Variants in RPS6KC1 observed in about 807,000 individuals in gnomAD.
The protein encoded by RPS6KC1 is inactive ribosomal protein S6 kinase delta-1.
Under a neutral mutation model 103.8 loss-of-function variants are expected in RPS6KC1, and 54 were observed. The ratio of observed to expected loss-of-function variants is 0.52; its 90% CI spans 0.42 to 0.65. The LOEUF is 0.65. Among genes scored for constraint, RPS6KC1 ranks in the 30% least tolerant of loss-of-function variants. RPS6KC1 has a pLI of 0.00. For missense variants in RPS6KC1, 1,151 were observed against 1,253.8 expected, an observed-to-expected ratio of 0.92 and a Z score of 1.24; for synonymous variants, 439 against 438.7, an observed-to-expected ratio of 1.00 and a Z score of -0.01.
chr1:213,111,083 G>C (rs1185630027), intron 4 of RPS6KC1, among the ~76,000 whole-genome samples: 1 of 151,832 alleles, frequency 6.6e-6, no homozygotes, highest in Non-Finnish European at 1.5e-5. Flanking sequence ...AGGAACTGAG[G>C]CAAGAACATC....
chr1:213,810,849 C>T, the RPS6KC1 span, among the ~76,000 whole-genome samples: 1 of 152,112 alleles, frequency 6.6e-6, no homozygotes, highest in East Asian at 1.9e-4. Context: ...AAAAATAAAG[C>T]TCAGAGATAT....
chr1:213,236,976 C>G (rs909187762), intron 10 of RPS6KC1, among the ~76,000 whole-genome samples: 4 of 151,998 alleles, frequency 2.6e-5, no homozygotes, highest in African/African-American at 9.7e-5. Flanking sequence ...CTTTGTTGCC[C>G]AGACCTATTC....
the RPS6KC1 span, among the ~76,000 whole-genome samples, chr1:213,370,067 T>C: frequency 6.6e-6 from 1 of 152,080 alleles, no homozygotes. Flanking sequence ...TCGAAGCAAT[T>C]GCAATGTAGG....
At chr1:213,339,379 C>T in the RPS6KC1 span, among the ~76,000 whole-genome samples, 5 of 152,192 alleles carry the variant, frequency 3.3e-5, no homozygotes, top group African/African-American at 4.8e-5. Flanking sequence ...GAGTGATGCT[C>T]GTTAAGAACA....
the RPS6KC1 span, among the ~76,000 whole-genome samples, chr1:213,771,350 C>T: frequency 3.3e-5 from 5 of 152,028 alleles, no homozygotes; most frequent in Admixed American, 1.3e-4. Flanking sequence ...GATCAGAATC[C>T]AAGGTAGGAA....
At chr1:213,776,955 C>T in the RPS6KC1 span, among the ~76,000 whole-genome samples, 9 of 152,086 alleles carry the variant, frequency 5.9e-5, no homozygotes, top group South Asian at 4.1e-4. Flanking sequence ...TGCTAGCTTC[C>T]GATTTTTCTT....
intron 5 of RPS6KC1, among the ~76,000 whole-genome samples, chr1:213,121,886 T>C (rs990866018): frequency 1.3e-5 from 2 of 152,158 alleles, no homozygotes; most frequent in Non-Finnish European, 2.9e-5. Flanking sequence ...AGAATGAATA[T>C]GCTTAAATGT....
intron 3 of RPS6KC1, among the ~76,000 whole-genome samples, chr1:213,091,124 C>T (rs557862332): frequency 1.3e-4 from 20 of 151,446 alleles, no homozygotes; most frequent in Non-Finnish European, 1.9e-4. Flanking sequence ...GTGGCGTGAT[C>T]TCGGCTTACT....
chr1:213,366,001 G>A, the RPS6KC1 span, among the ~76,000 whole-genome samples: 1 of 152,250 alleles, frequency 6.6e-6, no homozygotes, highest in Non-Finnish European at 1.5e-5. Flanking sequence ...TCAAAGGGTA[G>A]GGAATTAACT....
At chr1:213,243,144 C>T (rs1323626965) in intron 12 of RPS6KC1, among the ~76,000 whole-genome samples, 1 of 152,044 alleles carries the variant, frequency 6.6e-6, no homozygotes, top group African/African-American at 2.4e-5. Context: ...TACATTTGTG[C>T]ACCACCATGC....
the RPS6KC1 span, among the ~76,000 whole-genome samples, chr1:213,321,489 G>T: frequency 1.3e-5 from 2 of 152,130 alleles, no homozygotes; most frequent in African/African-American, 4.8e-5. Context: ...TTAGTATTTT[G>T]TTCTCTCATT....
At chr1:213,186,462 G>A (rs1281584239) in intron 8 of RPS6KC1, among the ~76,000 whole-genome samples, 1 of 152,046 alleles carries the variant, frequency 6.6e-6, no homozygotes, top group Non-Finnish European at 1.5e-5. Context: ...CAATGTGGAG[G>A]TCCTTTATAT....
chr1:213,715,965 AT>A, the RPS6KC1 span, among the ~76,000 whole-genome samples: 30,280 of 151,726 alleles, frequency 0.2, 3,427 homozygotes, highest in South Asian at 0.27. Context: ...GTAAGTTTTA[AT>A]TTTTTTTTAA....
intron 1 of RPS6KC1, among the ~76,000 whole-genome samples, chr1:213,066,979 AATAC>A (rs2078387237): frequency 6.6e-6 from 1 of 152,194 alleles, no homozygotes; most frequent in Non-Finnish European, 1.5e-5. Flanking sequence ...GATAACCATT[AATAC>A]ATACCAGATT....
the RPS6KC1 span, among the ~76,000 whole-genome samples, chr1:213,554,062 C>T: frequency 6.6e-6 from 1 of 152,106 alleles, no homozygotes; most frequent in Non-Finnish European, 1.5e-5. Flanking sequence ...TTTTTGGTTG[C>T]AATTGCTTTT....
At chr1:213,159,243 T>C (rs2090220775) in intron 6 of RPS6KC1, among the ~76,000 whole-genome samples, 1 of 152,204 alleles carries the variant, frequency 6.6e-6, no homozygotes, top group Non-Finnish European at 1.5e-5. Context: ...AGTAGTTTCC[T>C]GGCATATGCT....
intron 1 of RPS6KC1, among the ~76,000 whole-genome samples, chr1:213,055,593 A>G (rs908403336): frequency 9.9e-5 from 15 of 152,252 alleles, no homozygotes; most frequent in Non-Finnish European, 1.8e-4. Context: ...GGCTTTGTTT[A>G]TGTAGCTTTA....
chr1:213,712,237 A>C, the RPS6KC1 span, among the ~76,000 whole-genome samples: 1 of 152,198 alleles, frequency 6.6e-6, no homozygotes, highest in African/African-American at 2.4e-5. Context: ...TTATAGAGGC[A>C]GTCTGGCTAC....
At chr1:213,326,454 A>G in the RPS6KC1 span, among the ~76,000 whole-genome samples, 1 of 152,262 alleles carries the variant, frequency 6.6e-6, no homozygotes, top group African/African-American at 2.4e-5. Flanking sequence ...CAGATGAGGC[A>G]GATTTCTACC....
Sources: gnomAD v4.1 joint callset for allele counts (sites outside exome capture counted in the v4.1 genomes callset) on GRCh38, gnomAD v4.1.1 for gene constraint, MANE v1.5 for transcripts, NCBI Gene and HGNC (gene_info 2026-07-23, HGNC 2026-07-21) for gene names.